ZMYND11: variants seen among roughly 807,000 people sequenced by gnomAD.
ZMYND11 encodes the protein zinc finger MYND-type containing 11, also known as zinc finger MYND domain-containing protein 11.
Under a neutral mutation model 84.9 loss-of-function variants are expected in ZMYND11, and 9 were observed. The ratio of observed to expected loss-of-function variants is 0.11; its 90% CI spans 0.06 to 0.18. The LOEUF is 0.18. Among genes scored for constraint, ZMYND11 ranks in the 10% least tolerant of loss-of-function variants. The pLI is 1.00. For synonymous variants in ZMYND11, 250 were observed against 244.1 expected (o/e 1.02, Z -0.23); for missense variants, 409 against 761.0 (o/e 0.54, Z 5.44).
chr10:144,750 T>C (rs1838336885), intron 1 of ZMYND11, among the ~76,000 whole-genome samples: 1 of 147,662 alleles, frequency 6.8e-6, no homozygotes, highest in Non-Finnish European at 1.5e-5. Context: ...ATAATATATA[T>C]ATGCATACAC....
intron 2 of ZMYND11, among the ~76,000 whole-genome samples, chr10:208,237 GC>G (rs1224379758): frequency 6.6e-6 from 1 of 152,202 alleles, no homozygotes; most frequent in Non-Finnish European, 1.5e-5. Flanking sequence ...ATAGGCATGG[GC>G]AAGGACTTCG....
chr10:173,124 AT>A (rs1220563411), intron 1 of ZMYND11, among the ~76,000 whole-genome samples: 16 of 152,284 alleles, frequency 1.1e-4, no homozygotes, highest in South Asian at 4.1e-4. Context: ...TAAATGTAAA[AT>A]ACAAAACTGT....
intron 2 of ZMYND11, among the ~76,000 whole-genome samples, chr10:182,755 T>G (rs535479924): frequency 6.6e-6 from 1 of 152,300 alleles, no homozygotes; most frequent in Non-Finnish European, 1.5e-5. Context: ...TAATATTAAT[T>G]TCCTTGTTTA....
rs12268673 is a variant in ZMYND11, at chr10:229,935, A to G, written c.439-6903A>G. 9.1e-3 allele frequency among the ~76,000 whole-genome samples: 1,384 copies of G among 152,340 alleles called. 25 individuals carry two copies. The highest frequency in any genetic ancestry group is 0.031 in the African/African-American group (1,284 of 41,568). The stretch of plus-strand genomic sequence containing the variant: ...CTGTAACAACATAGAATCAAAATAA[A>G]TTTTTAAAAAGCTCCTAGATCTCCT... On this transcript the variant is annotated intron_variant, in intron 4 of 14. Transcript: ENST00000381604.
At chr10:136,684 C>T (rs1460169226) in intron 1 of ZMYND11, among the ~76,000 whole-genome samples, 2 of 152,072 alleles carry the variant, frequency 1.3e-5, no homozygotes, top group Admixed American at 1.3e-4. Flanking sequence ...CCTGTTGTCA[C>T]ATACAGTGTG....
chr10:179,127 C>T (rs1748119748), intron 1 of ZMYND11, among the ~76,000 whole-genome samples: 1 of 152,152 alleles, frequency 6.6e-6, no homozygotes, highest in African/African-American at 2.4e-5. Flanking sequence ...TTCAGTGCGT[C>T]CCCAATGCTA....
At chr10:232,663 G>C (rs1409118151) in intron 4 of ZMYND11, among the ~76,000 whole-genome samples, 1 of 152,156 alleles carries the variant, frequency 6.6e-6, no homozygotes, top group African/African-American at 2.4e-5. Flanking sequence ...TCACCAAAAA[G>C]GTGGGTGGGG....
At chr10:222,294 T>G (rs966261414) in intron 4 of ZMYND11, among the ~76,000 whole-genome samples, 1 of 152,226 alleles carries the variant, frequency 6.6e-6, no homozygotes, top group Non-Finnish European at 1.5e-5. Flanking sequence ...CTACAGTATA[T>G]GTTCTAGTCT....
At chr10:140,198 G>A (rs951725378) in intron 1 of ZMYND11, among the ~76,000 whole-genome samples, 4 of 152,194 alleles carry the variant, frequency 2.6e-5, no homozygotes, top group African/African-American at 9.6e-5. Flanking sequence ...AAGTTTGAGA[G>A]TCTCTGGGAT....
rs974936470 is a variant in ZMYND11, at chr10:209,005, G to A, written c.117-884G>A. Among the ~76,000 whole-genome samples the A allele has an allele frequency of 2.0e-5, 3 of 150,932 alleles. 1 individual carries two copies. ...TACAGGTAGATACATTGACATTGAT[G>A]TGTGTGTGTGTGTGTATATATATAT... On this transcript the variant is annotated intron_variant, in intron 2 of 14. Transcript: ENST00000381604.
At chr10:228,687 A>G (rs1003127905) in intron 4 of ZMYND11, among the ~76,000 whole-genome samples, 4 of 152,230 alleles carry the variant, frequency 2.6e-5, no homozygotes, top group African/African-American at 9.6e-5. Context: ...ATTCCGCTGA[A>G]GAACGCATTC....
intron 1 of ZMYND11, among the ~76,000 whole-genome samples, chr10:144,935 C>G (rs1554754843): frequency 6.6e-6 from 1 of 150,414 alleles, no homozygotes; most frequent in Non-Finnish European, 1.5e-5. Context: ...CCACTCTTCC[C>G]CATTCTGAGT....
At chr10:139,967 A>T (rs1308882122) in intron 1 of ZMYND11, among the ~76,000 whole-genome samples, 1 of 152,096 alleles carries the variant, frequency 6.6e-6, no homozygotes, top group Non-Finnish European at 1.5e-5. Context: ...TGGCCTCCCA[A>T]AGTGCAGGGA....
intron 2 of ZMYND11, among the ~76,000 whole-genome samples, chr10:207,701 C>T (rs547231235): frequency 6.2e-4 from 95 of 152,220 alleles, no homozygotes; most frequent in African/African-American, 2.1e-3. Flanking sequence ...GAATCAATAT[C>T]GTGAAAATGG....
At position 180,089 on chromosome 10, in the gene ZMYND11, G is replaced by A. The variant is rs1431231898; in HGVS notation, c.77G>A (p.Arg26Gln). ...CTTTGGGCAGCCATTGAGATTATACGGAACCAGAAGCAGATTGCCAACATT... is the reference window on the plus strand; with the variant it reads ...CTTTGGGCAGCCATTGAGATTATACAGAACCAGAAGCAGATTGCCAACATT... ...QHLWAAIEII[R>Q]NQKQIANIDR... Residue 26 changes from arginine (R) to glutamine (Q), a missense_variant, in exon 2 of 15, where the codon CGG (arginine) becomes CAG (glutamine). Around this residue, in one of 7 missense-constraint regions of ZMYND11, gnomAD observed 73 missense variants for 185.8 expected, o/e 0.39. Transcript: ENST00000381604. 1 of 1,613,274 alleles carries A rather than the reference G, an allele frequency of 6.2e-7. No homozygotes were observed. Among genetic ancestry groups the A allele is most frequent in the Admixed American group, 1.7e-5 (1 of 59,964 alleles).
At chr10:245,630 C>A (rs1344834463) in intron 10 of ZMYND11, among the ~76,000 whole-genome samples, 1 of 152,218 alleles carries the variant, frequency 6.6e-6, no homozygotes, top group Non-Finnish European at 1.5e-5. Context: ...GATGTTCCCT[C>A]TGCCTGGAAT....
intron 1 of ZMYND11, among the ~76,000 whole-genome samples, chr10:145,487 A>G (rs1838600577): frequency 6.6e-6 from 1 of 152,094 alleles, no homozygotes; most frequent in South Asian, 2.1e-4. Context: ...TTTTCTGTAG[A>G]GGTTGTACTA....
intron 2 of ZMYND11, among the ~76,000 whole-genome samples, chr10:184,502 A>G (rs577215163): frequency 5.3e-5 from 8 of 152,068 alleles, no homozygotes; most frequent in African/African-American, 1.9e-4. Flanking sequence ...TTTAGACTTC[A>G]TTTCTGAAGT....
intron 1 of ZMYND11, chr10:155,028 T>C (rs1841375674): frequency 6.6e-6 from 1 of 152,198 alleles, no homozygotes; most frequent in Admixed American, 6.5e-5. Context: ...GTATATGATA[T>C]GCTCCTGGTG....
Sources: allele counts gnomAD v4.1 joint callset (sites outside exome capture counted in the v4.1 genomes callset), GRCh38; gene constraint gnomAD v4.1.1; regional missense constraint gnomAD v4.1.1; transcripts MANE v1.5; gene names NCBI Gene and HGNC (gene_info 2026-07-23, HGNC 2026-07-21).